The following ERG variants were observed in gnomAD, a reference collection of about 807,000 sequenced individuals.
ERG encodes the protein transcriptional regulator ERG.
In ERG, 9 loss-of-function variants were observed where a neutral mutation model predicts 55.3. That is an observed-to-expected ratio of 0.16 (90% CI 0.10 to 0.28). The LOEUF (loss-of-function observed/expected upper bound fraction) is 0.28. Among genes scored for constraint, ERG ranks in the 10% least tolerant of loss-of-function variants. The probability of loss-of-function intolerance (pLI) is 1.00; values close to 1 mark genes in which losing one functional copy is unlikely to be tolerated. For missense variants in ERG, 434 were observed against 631.6 expected, an observed-to-expected ratio of 0.69 and a Z score of 3.35; for synonymous variants, 223 against 237.3, an observed-to-expected ratio of 0.94 and a Z score of 0.55.
intron 2 of ERG, among the ~76,000 whole-genome samples, chr21:38,437,037 G>A (rs1012870165): frequency 6.6e-6 from 1 of 151,848 alleles, no homozygotes; most frequent in Non-Finnish European, 1.5e-5. Context: ...ACAGGCACCT[G>A]CCACCATGCC....
chr21:38,544,323 T>G (rs2836497), intron 2 of ERG, among the ~76,000 whole-genome samples: 3 of 151,980 alleles, frequency 2.0e-5, no homozygotes, highest in African/African-American at 7.3e-5. Flanking sequence ...TGGAGCCACA[T>G]GGACTGACAA....
At chr21:38,462,934 C>T (rs2059056859) in intron 1 of ERG, among the ~76,000 whole-genome samples, 1 of 152,176 alleles carries the variant, frequency 6.6e-6, no homozygotes, top group Admixed American at 6.5e-5. Context: ...CTGCATACCA[C>T]CAACCTGTTG....
chr21:38,650,456 C>T (rs1412863255), intron 1 of ERG, among the ~76,000 whole-genome samples: 1 of 151,952 alleles, frequency 6.6e-6, no homozygotes, highest in African/African-American at 2.4e-5. Flanking sequence ...GGCAACATGG[C>T]GAAACCCTGT....
At chr21:38,377,770 T>A (rs112785916), downstream of ERG, among the ~76,000 whole-genome samples, 2,470 of 152,084 alleles carry the variant, frequency 0.016, 35 homozygotes, top group Non-Finnish European at 0.025. Context: ...GAGGTGGAAA[T>A]TGTTAGTCTG....
chr21:38,557,536 T>C (rs74690081), intron 2 of ERG, among the ~76,000 whole-genome samples: 2,184 of 152,232 alleles, frequency 0.014, 54 homozygotes, highest in African/African-American at 0.048. Flanking sequence ...TGAGGATCAA[T>C]GATCAAACAT....
the ERG span, among the ~76,000 whole-genome samples, chr21:38,371,275 A>C: frequency 1.3e-5 from 2 of 152,112 alleles, no homozygotes; most frequent in Non-Finnish European, 2.9e-5. Flanking sequence ...CTTAAATAAA[A>C]TTCAAAAATT....
chr21:38,575,565 T>C (rs1057063630), intron 2 of ERG: 1 of 876,778 alleles, frequency 1.1e-6, no homozygotes, highest in Non-Finnish European at 1.9e-6. Flanking sequence ...TGGGCTGTGT[T>C]GACTGACCCC....
upstream of ERG, among the ~76,000 whole-genome samples, chr21:38,588,316 C>CCCA (rs959053818): frequency 9.9e-5 from 15 of 151,968 alleles, no homozygotes; most frequent in African/African-American, 3.1e-4. Flanking sequence ...AGAGACACCC[C>CCCA]CCACCACCAC....
At chr21:38,618,985 G>C (rs1262777979) in intron 1 of ERG, among the ~76,000 whole-genome samples, 4 of 152,216 alleles carry the variant, frequency 2.6e-5, no homozygotes, top group Admixed American at 2.6e-4. Flanking sequence ...CCTGAAACAT[G>C]AAGTAGATGC....
At chr21:38,493,257 T>C (rs901552786) in intron 1 of ERG, among the ~76,000 whole-genome samples, 3 of 152,160 alleles carry the variant, frequency 2.0e-5, no homozygotes, top group East Asian at 1.9e-4. Context: ...CACTAGGATA[T>C]TGGTTATAAA....
At chr21:38,655,912 T>C (rs1022908316) in intron 1 of ERG, among the ~76,000 whole-genome samples, 1 of 152,154 alleles carries the variant, frequency 6.6e-6, no homozygotes, top group Non-Finnish European at 1.5e-5. Context: ...ATGGGAGGAA[T>C]TGCAGGTAGT....
rs191903625 is a variant in ERG at position 38,432,247 on chromosome 21, A to G, written c.237-8686T>C. On this transcript the variant is annotated intron_variant, in intron 2 of 9. Coordinates refer to ENST00000288319, the MANE Select transcript of ERG (RefSeq NM_182918.4). ...GTAGTTGGGACTACAGGCACGTGCC[A>G]CCACACCCAGCTGTTTTTTAATTAT... 2.9e-3 allele frequency among the ~76,000 whole-genome samples: 442 copies of G among 152,060 alleles called. 8 individuals are homozygous for G. The highest frequency in any genetic ancestry group is 0.024 in the Admixed American group (371 of 15,266).
chr21:38,387,324 G>C (rs958186611), intron 9 of ERG, among the ~76,000 whole-genome samples: 1 of 152,194 alleles, frequency 6.6e-6, no homozygotes. Flanking sequence ...CCTCTGCAAG[G>C]CAGCAGGTGT....
chr21:38,521,909 T>A (rs2059597792), intron 2 of ERG, among the ~76,000 whole-genome samples: 1 of 152,212 alleles, frequency 6.6e-6, no homozygotes, highest in Non-Finnish European at 1.5e-5. Context: ...ATTTGCAACT[T>A]ATGGCTTGCA....
At chr21:38,559,366 C>T (rs2059878114) in intron 2 of ERG, among the ~76,000 whole-genome samples, 1 of 147,974 alleles carries the variant, frequency 6.8e-6, no homozygotes, top group Admixed American at 6.8e-5. Context: ...AGATCCTTCT[C>T]CATGGATCCC....
At chr21:38,455,468 G>A (rs1601427132) in intron 1 of ERG, among the ~76,000 whole-genome samples, 1 of 152,046 alleles carries the variant, frequency 6.6e-6, no homozygotes, top group East Asian at 1.9e-4. Flanking sequence ...CCAGGGAAGG[G>A]GTGGTGCACC....
intron 1 of ERG, among the ~76,000 whole-genome samples, chr21:38,637,567 C>T (rs1225719946): frequency 6.6e-6 from 1 of 152,166 alleles, no homozygotes; most frequent in African/African-American, 2.4e-5. Context: ...ATTGTCCTGA[C>T]AACTGTGCTA....
intron 1 of ERG, among the ~76,000 whole-genome samples, chr21:38,478,661 T>C (rs1195974257): frequency 6.6e-6 from 1 of 152,226 alleles, no homozygotes; most frequent in Non-Finnish European, 1.5e-5. Flanking sequence ...TCAATTTTTA[T>C]TTGGAATCTG....
At chr21:38,650,496 G>A (rs1466663310) in intron 1 of ERG, among the ~76,000 whole-genome samples, 4 of 152,118 alleles carry the variant, frequency 2.6e-5, no homozygotes, top group African/African-American at 9.7e-5. Context: ...AATTAGCCGG[G>A]TATGGTGGTG....
Sources: gnomAD v4.1 joint callset for allele counts (sites outside exome capture counted in the v4.1 genomes callset) on GRCh38, gnomAD v4.1.1 for gene constraint, MANE v1.5 for transcripts, NCBI Gene and HGNC (gene_info 2026-07-23, HGNC 2026-07-21) for gene names.